EYA4: variants seen among roughly 807,000 people sequenced by gnomAD.
EYA4 encodes the protein protein phosphatase EYA4.
In EYA4, 31 loss-of-function variants were observed where a neutral mutation model predicts 87.9. The ratio of observed to expected loss-of-function variants is 0.35; its 90% CI spans 0.27 to 0.48. The LOEUF (loss-of-function observed/expected upper bound fraction) is 0.48. EYA4 is among the 20% of genes least tolerant of loss of function. The probability of loss-of-function intolerance (pLI) is 0.99; values close to 1 mark genes in which losing one functional copy is unlikely to be tolerated. For missense variants in EYA4, 678 were observed against 761.4 expected (o/e 0.89, Z 1.29); for synonymous variants, 263 against 270.6 (o/e 0.97, Z 0.28).
chr6:133,435,055 A>T (rs1181126148), intron 3 of EYA4: 3 of 152,368 alleles, frequency 2.0e-5, no homozygotes, highest in Non-Finnish European at 4.4e-5. Context: ...GACTTTTAAA[A>T]ACAAAAATTT....
intron 7 of EYA4, among the ~76,000 whole-genome samples, chr6:133,461,943 A>G (rs1794427901): frequency 6.6e-6 from 1 of 151,620 alleles, no homozygotes; most frequent in East Asian, 2.0e-4. Context: ...TAAGTCACTC[A>G]TGGTGAGTGT....
intron 2 of EYA4, chr6:133,325,254 T>C (rs941081216): frequency 6.6e-6 from 1 of 152,206 alleles, no homozygotes; most frequent in Non-Finnish European, 1.5e-5. Context: ...GATGCCAGGC[T>C]AGCCCATCAG....
At chr6:133,409,967 T>C (rs1789064834) in intron 3 of EYA4, among the ~76,000 whole-genome samples, 1 of 152,166 alleles carries the variant, frequency 6.6e-6, no homozygotes. Flanking sequence ...CATATAAAAT[T>C]TCTGTTCCCT....
chr6:133,351,950 G>A (rs1194379478), intron 2 of EYA4, among the ~76,000 whole-genome samples: 1 of 145,950 alleles, frequency 6.9e-6, no homozygotes, highest in Non-Finnish European at 1.5e-5. Context: ...GAATTTAGAA[G>A]AATTTAAAAT....
chr6:133,392,228 A>G (rs1787364156), intron 3 of EYA4, among the ~76,000 whole-genome samples: 1 of 152,132 alleles, frequency 6.6e-6, no homozygotes, highest in African/African-American at 2.4e-5. Flanking sequence ...ACCAATTCAA[A>G]TGCAAATTGC....
chr6:133,496,925 G>A (rs1346149544), intron 13 of EYA4, among the ~76,000 whole-genome samples: 3 of 152,164 alleles, frequency 2.0e-5, no homozygotes, highest in Non-Finnish European at 4.4e-5. Context: ...TGAGCTGGGA[G>A]CTGCACCTAT....
At chr6:133,305,838 T>A (rs1355414199) in intron 2 of EYA4, among the ~76,000 whole-genome samples, 1 of 152,178 alleles carries the variant, frequency 6.6e-6, no homozygotes, top group African/African-American at 2.4e-5. Flanking sequence ...GTCCATTAGA[T>A]TGCATCTGAT....
intron 2 of EYA4, among the ~76,000 whole-genome samples, chr6:133,328,331 C>T (rs1781662953): frequency 1.3e-5 from 2 of 152,082 alleles, no homozygotes; most frequent in African/African-American, 2.4e-5. Flanking sequence ...AATCACTCCT[C>T]CACCATTTGC....
intron 5 of EYA4, among the ~76,000 whole-genome samples, chr6:133,450,526 T>C (rs918156019): frequency 1.1e-4 from 17 of 152,022 alleles, no homozygotes; most frequent in African/African-American, 3.9e-4. Flanking sequence ...TTATTTAAGA[T>C]GGAGTCTCAC....
At chr6:133,413,771 C>T (rs970813537) in intron 3 of EYA4, among the ~76,000 whole-genome samples, 7 of 152,162 alleles carry the variant, frequency 4.6e-5, no homozygotes, top group African/African-American at 1.4e-4. Context: ...GTGAAGCTTC[C>T]TGCTGACTGC....
intron 2 of EYA4, among the ~76,000 whole-genome samples, chr6:133,334,062 A>G (rs186524458): frequency 6.6e-6 from 1 of 152,348 alleles, no homozygotes; most frequent in East Asian, 1.9e-4. Flanking sequence ...AAGACAGAGC[A>G]GAACAACATT....
chr6:133,505,888 C>T (rs1798567739), intron 13 of EYA4, among the ~76,000 whole-genome samples: 1 of 152,088 alleles, frequency 6.6e-6, no homozygotes, highest in African/African-American at 2.4e-5. Flanking sequence ...GCTGAGTCAT[C>T]GTTACGTATG....
intron 2 of EYA4, among the ~76,000 whole-genome samples, chr6:133,309,465 CAT>C (rs558584836): frequency 7.9e-5 from 12 of 152,116 alleles, no homozygotes; most frequent in South Asian, 4.1e-4. Flanking sequence ...GTGGTGGAAA[CAT>C]ATTTTGTTTT....
chr6:133,305,096 G>A (rs145183746), intron 2 of EYA4, among the ~76,000 whole-genome samples: 44 of 152,246 alleles, frequency 2.9e-4, no homozygotes, highest in Non-Finnish European at 5.4e-4. Context: ...TTTGAGAGAA[G>A]AGCGTTTTGG....
At chr6:133,480,494 A>G (rs80200896) in intron 11 of EYA4, among the ~76,000 whole-genome samples, 5,864 of 152,288 alleles carry the variant, frequency 0.039, 378 homozygotes, top group African/African-American at 0.13. Context: ...AGCACTTGTC[A>G]TGTTGCTAGT....
chr6:133,470,021 T>G (rs979614898), intron 11 of EYA4, among the ~76,000 whole-genome samples: 3 of 150,908 alleles, frequency 2.0e-5, no homozygotes, highest in Non-Finnish European at 4.4e-5. Context: ...TTGCAAAAAT[T>G]TTCTCCCATG....
At chr6:133,481,000 G>C (rs942583275) in intron 11 of EYA4, among the ~76,000 whole-genome samples, 2 of 148,950 alleles carry the variant, frequency 1.3e-5, no homozygotes, top group East Asian at 4.0e-4. Context: ...GGGAAGATGG[G>C]AGAGGTGGAA....
chr6:133,508,637 A>G (rs1437565334), intron 14 of EYA4, among the ~76,000 whole-genome samples: 1 of 152,170 alleles, frequency 6.6e-6, no homozygotes, highest in African/African-American at 2.4e-5. Flanking sequence ...AGCCAGATGG[A>G]ATAAATTTGC....
Position 133,332,943 on chromosome 6 carries a change from C to T in EYA4, c.34-49449C>T, listed in dbSNP as rs1782092884. On this transcript the variant is annotated intron_variant, in intron 2 of 19. Transcript: ENST00000355286. ...GATCTTTTCCAGATGTGCTCCTAGG[C>T]ATCCTTTAGGCCCTAGCTTAGATGT... 2.0e-5 allele frequency among the ~76,000 whole-genome samples: 3 copies of T among 152,080 alleles called. No individual in the cohort carries two copies. In the South Asian group the frequency reaches 6.2e-4, roughly 32 times the overall value.
Sources: gnomAD v4.1 joint callset for allele counts (sites outside exome capture counted in the v4.1 genomes callset) on GRCh38, gnomAD v4.1.1 for gene constraint, MANE v1.5 for transcripts, NCBI Gene and HGNC (gene_info 2026-07-23, HGNC 2026-07-21) for gene names.